TNFSF13B: variants seen among roughly 807,000 people sequenced by gnomAD.
TNFSF13B encodes the protein TNF superfamily member 13b.
A neutral mutation model predicts 29.1 loss-of-function variants in TNFSF13B; 8 were observed. That is an observed-to-expected ratio of 0.27 (90% CI 0.16 to 0.50). TNFSF13B has a LOEUF of 0.50. TNFSF13B is among the 20% of genes least tolerant of loss of function. The pLI is 0.98. For missense variants in TNFSF13B, 248 were observed against 334.9 expected (o/e 0.74, Z 2.03); for synonymous variants, 125 against 130.8 (o/e 0.96, Z 0.30).
At chr13:108,289,369 C>T (rs1351056761) in intron 3 of TNFSF13B, among the ~76,000 whole-genome samples, 1 of 151,918 alleles carries the variant, frequency 6.6e-6, no homozygotes, top group African/African-American at 2.4e-5. Flanking sequence ...GTGATGTCAG[C>T]AAACCCTTGA....
chr13:108,292,084 C>T (rs2139059839), intron 3 of TNFSF13B, among the ~76,000 whole-genome samples: 1 of 152,152 alleles, frequency 6.6e-6, no homozygotes, highest in Admixed American at 6.5e-5. Flanking sequence ...AAAATATTTT[C>T]TTCAGCCCCA....
intron 3 of TNFSF13B, among the ~76,000 whole-genome samples, chr13:108,288,176 T>C (rs2139055843): frequency 6.6e-6 from 1 of 152,332 alleles, no homozygotes; most frequent in East Asian, 1.9e-4. Flanking sequence ...ATAGCATTTG[T>C]TTATATAAGA....
chr13:108,307,074 C>A lies in TNFSF13B; in HGVS notation c.*136C>A. 1.6e-6 allele frequency: 1 copy of A among 607,106 alleles called. No individual in the cohort carries two copies. The highest frequency in any genetic ancestry group is 2.7e-6 in the Non-Finnish European group (1 of 371,332). The allele number at this position is 607,106 out of a possible 1,614,324, so 37.6% of individuals were successfully genotyped here. On this transcript the variant is annotated 3_prime_UTR_variant, in exon 6 of 6. Coordinates refer to ENST00000375887, the MANE Select transcript of TNFSF13B (RefSeq NM_006573.5). The stretch of plus-strand genomic sequence containing the variant: ...TAGTTACCATTGCCTTTTCTGTGAG[C>A]TATTTGTTTTGGTTTGCTGAAACTA...
At chr13:108,299,049 C>A (rs1881536291) in intron 3 of TNFSF13B, among the ~76,000 whole-genome samples, 1 of 145,950 alleles carries the variant, frequency 6.9e-6, no homozygotes, top group South Asian at 2.1e-4. Context: ...GACATCTTGA[C>A]AATATTGAGT....
chr13:108,275,924 G>C (rs1486445624), intron 2 of TNFSF13B, among the ~76,000 whole-genome samples: 1 of 152,144 alleles, frequency 6.6e-6, no homozygotes, highest in Non-Finnish European at 1.5e-5. Flanking sequence ...TTTGAATGTA[G>C]CATATATAAA....
chr13:108,304,272 C>T (rs1881709331), intron 5 of TNFSF13B, among the ~76,000 whole-genome samples: 1 of 151,652 alleles, frequency 6.6e-6, no homozygotes, highest in Non-Finnish European at 1.5e-5. Flanking sequence ...TCAGTGGACA[C>T]CAGACAGGAG....
intron 3 of TNFSF13B, among the ~76,000 whole-genome samples, chr13:108,300,624 C>G (rs555919790): frequency 6.6e-6 from 1 of 152,126 alleles, no homozygotes; most frequent in Non-Finnish European, 1.5e-5. Context: ...GAAATTATAT[C>G]GTAAAAGAGG....
At chr13:108,280,188 T>G (rs1880896584) in intron 2 of TNFSF13B, among the ~76,000 whole-genome samples, 1 of 151,328 alleles carries the variant, frequency 6.6e-6, no homozygotes. Context: ...AAGTTAAAAA[T>G]TTAAACCATT....
At chr13:108,272,158 A>C (rs1471985939) in intron 2 of TNFSF13B, among the ~76,000 whole-genome samples, 1 of 152,126 alleles carries the variant, frequency 6.6e-6, no homozygotes, top group Non-Finnish European at 1.5e-5. Context: ...CTTGTTTACT[A>C]ATATGAATAA....
intron 2 of TNFSF13B, among the ~76,000 whole-genome samples, chr13:108,286,071 C>T (rs1362935466): frequency 6.6e-6 from 1 of 152,200 alleles, no homozygotes; most frequent in African/African-American, 2.4e-5. Flanking sequence ...TATGCACTTG[C>T]ATGGAAGTCT....
chr13:108,296,931 A>G lies in TNFSF13B; in HGVS notation c.482-6322A>G, dbSNP rs530875594. On this transcript the variant is annotated intron_variant, in intron 3 of 5. Transcript: ENST00000375887. ...AAGCCCTTAACATAAATTAATAATT[A>G]TTATTTTATGTATTTGCCTTTTAAA... Among the ~76,000 whole-genome samples, 6 of 145,812 alleles carry G rather than the reference A, an allele frequency of 4.1e-5. No homozygotes were observed. The South Asian group carries it at 8.5e-4, about 21-fold the overall frequency.
chr13:108,283,989 G>A (rs1881038500), intron 2 of TNFSF13B, among the ~76,000 whole-genome samples: 1 of 152,148 alleles, frequency 6.6e-6, no homozygotes, highest in South Asian at 2.1e-4. Flanking sequence ...TCAGACCATA[G>A]CCGTCTCCTA....
intron 2 of TNFSF13B, among the ~76,000 whole-genome samples, chr13:108,283,888 C>T (rs992066936): frequency 3.3e-5 from 5 of 152,190 alleles, no homozygotes; most frequent in Non-Finnish European, 7.3e-5. Flanking sequence ...GTGCTCTGCC[C>T]TCATGGCATA....
intron 3 of TNFSF13B, among the ~76,000 whole-genome samples, chr13:108,288,511 A>C (rs1881207613): frequency 6.6e-6 from 1 of 152,180 alleles, no homozygotes; most frequent in South Asian, 2.1e-4. Flanking sequence ...AAAATCATCT[A>C]ACATGAAGCC....
intron 2 of TNFSF13B, among the ~76,000 whole-genome samples, chr13:108,283,733 C>T (rs72660880): frequency 0.05 from 7,619 of 152,250 alleles, 255 homozygotes; most frequent in Middle Eastern, 0.071. Context: ...AGTCCAAGAC[C>T]AAGATGCCTA....
intron 3 of TNFSF13B, among the ~76,000 whole-genome samples, chr13:108,290,146 T>C (rs1001870297): frequency 6.6e-6 from 1 of 152,154 alleles, no homozygotes; most frequent in Non-Finnish European, 1.5e-5. Context: ...TACATATGAT[T>C]TGAAAATGAG....
intron 3 of TNFSF13B, among the ~76,000 whole-genome samples, chr13:108,288,268 A>C (rs1227441720): frequency 6.6e-6 from 1 of 152,198 alleles, no homozygotes; most frequent in Admixed American, 6.5e-5. Context: ...ACATTTATTA[A>C]TTAAGAATAT....
At chr13:108,288,532 T>C (rs145550107) in intron 3 of TNFSF13B, among the ~76,000 whole-genome samples, 1 of 152,320 alleles carries the variant, frequency 6.6e-6, no homozygotes, top group Non-Finnish European at 1.5e-5. Flanking sequence ...CATTTTATAG[T>C]AAAGTATTGA....
chr13:108,295,516 C>T (rs575896066), intron 3 of TNFSF13B, among the ~76,000 whole-genome samples: 1 of 144,680 alleles, frequency 6.9e-6, no homozygotes, highest in East Asian at 1.9e-4. Context: ...ATTCCATCTA[C>T]CTTCTTTATT....
Sources: gnomAD v4.1 joint callset for allele counts (sites outside exome capture counted in the v4.1 genomes callset) on GRCh38, gnomAD v4.1.1 for gene constraint, MANE v1.5 for transcripts, NCBI Gene and HGNC (gene_info 2026-07-23, HGNC 2026-07-21) for gene names.